Variants in ITGA9 observed in about 807,000 individuals in gnomAD.
ITGA9 encodes integrin subunit alpha 9, also known as integrin alpha-9.
ITGA9 carries 56 observed loss-of-function variants against 127.8 expected under a neutral mutation model. The observed-to-expected ratio is 0.44, with a 90% CI of 0.35 to 0.55. The LOEUF is 0.55. Ranked by LOEUF, ITGA9 falls within the 20% of genes least tolerant of loss-of-function variation. The pLI, the probability that ITGA9 is intolerant of heterozygous loss-of-function variation, is 0.00. For missense variants in ITGA9, 1,196 were observed against 1,347.1 expected (o/e 0.89, Z 1.76); for synonymous variants, 508 against 514.5 (o/e 0.99, Z 0.17).
At position 37,777,422 on chromosome 3, in the gene ITGA9, C is replaced by A; in HGVS notation, c.2572C>A (p.Gln858Lys). ...CCAAGAGAAGGGAAACTGCTCTTTC[C>A]AGAAAAACCCAACTCCCTGCATCAT... ...VGQEKGNCSF[Q>K]KNPTPCIIPQ... The change falls in exon 24 of 28, where the codon CAG (glutamine) becomes AAG (lysine). Residue 858 changes from glutamine to lysine, a missense_variant. Physicochemically the swap from Gln to Lys is moderately conservative, Grantham distance 53. Coordinates refer to ENST00000264741, the MANE Select transcript of ITGA9 (RefSeq NM_002207.3). 6.2e-7 allele frequency: 1 copy of A among 1,614,148 alleles called. No homozygotes were observed. Among genetic ancestry groups the A allele is most frequent in the Non-Finnish European group, 8.5e-7 (1 of 1,180,006 alleles).
chr3:37,567,435 C>T (rs558892199), intron 15 of ITGA9, among the ~76,000 whole-genome samples: 60 of 152,246 alleles, frequency 3.9e-4, no homozygotes, highest in African/African-American at 1.3e-3. Context: ...GCCCCGGCCC[C>T]TTCCAAATAT....
chr3:37,585,890 T>A (rs1699755163), intron 15 of ITGA9, among the ~76,000 whole-genome samples: 2 of 152,214 alleles, frequency 1.3e-5, no homozygotes, highest in Admixed American at 1.3e-4. Flanking sequence ...AAAATTGAGA[T>A]TCCCATTGAT....
intron 23 of ITGA9, among the ~76,000 whole-genome samples, chr3:37,771,182 G>A (rs936073732): frequency 2.6e-5 from 4 of 152,164 alleles, no homozygotes; most frequent in Non-Finnish European, 5.9e-5. Flanking sequence ...GCAAGGGGGC[G>A]ATGGCCACAG....
At chr3:37,564,602 A>G (rs1226429305) in intron 15 of ITGA9, among the ~76,000 whole-genome samples, 1 of 152,210 alleles carries the variant, frequency 6.6e-6, no homozygotes, top group South Asian at 2.1e-4. Flanking sequence ...AATTATTACT[A>G]ATCTATGACC....
chr3:37,731,476 GATAT>G (rs1696292093), intron 18 of ITGA9, among the ~76,000 whole-genome samples: 1 of 152,164 alleles, frequency 6.6e-6, no homozygotes, highest in African/African-American at 2.4e-5. Flanking sequence ...ATGCTGAAAA[GATAT>G]ATTAGAGTTT....
At chr3:37,771,467 T>A (rs1174165448) in intron 23 of ITGA9, among the ~76,000 whole-genome samples, 1 of 152,144 alleles carries the variant, frequency 6.6e-6, no homozygotes, top group Non-Finnish European at 1.5e-5. Context: ...CATCCTCATG[T>A]GTAGATGAGG....
At chr3:37,496,175 T>C (rs985820111) in intron 5 of ITGA9, among the ~76,000 whole-genome samples, 1 of 152,224 alleles carries the variant, frequency 6.6e-6, no homozygotes, top group African/African-American at 2.4e-5. Context: ...ATATAGTGTC[T>C]GATCCAGAAA....
rs1245456483 is a variant in ITGA9, at chr3:37,452,488, G to C, written c.114G>C (p.Val38=). The C allele has an allele frequency of 6.6e-7, 1 of 1,517,628 alleles. No individual in the cohort carries two copies. The highest frequency in any genetic ancestry group is 8.8e-7 in the Non-Finnish European group (1 of 1,132,460). 94.0% of individuals were successfully genotyped at this position (1,517,628 alleles called of 1,614,324 possible). Residue 38 remains valine, a synonymous_variant, in exon 1 of 28, where the codon GTG becomes GTC. Coordinates refer to ENST00000264741, the MANE Select transcript of ITGA9 (RefSeq NM_002207.3). This position sits in a 1 kb window ranked among gnomAD's most constrained non-coding sequence, Gnocchi z 7.3. ...GAYNLDPQRP[V]HFQGPADSFF... is the part of the protein sequence containing the mutation. ...ACAACCTCGACCCGCAGCGCCCCGT[G>C]CACTTCCAGGGCCCCGCTGACTCGT... is the stretch of plus-strand genomic sequence containing the variant.
At chr3:37,619,862 C>T (rs577829196) in intron 15 of ITGA9, among the ~76,000 whole-genome samples, 1 of 150,074 alleles carries the variant, frequency 6.7e-6, no homozygotes, top group African/African-American at 2.5e-5. Flanking sequence ...TGCTTCTAGT[C>T]TCTTAGCTCA....
chr3:37,639,951 A>G (rs974483001), intron 16 of ITGA9, among the ~76,000 whole-genome samples: 9 of 152,150 alleles, frequency 5.9e-5, no homozygotes, highest in African/African-American at 1.7e-4. Flanking sequence ...GAGCATACCA[A>G]TGGTGATGAC....
At chr3:37,678,052 T>A (rs1426693537) in intron 17 of ITGA9, among the ~76,000 whole-genome samples, 1 of 152,196 alleles carries the variant, frequency 6.6e-6, no homozygotes, top group South Asian at 2.1e-4. Context: ...GTGTAGTACA[T>A]CTGGTTTATC....
Position 37,452,343 on chromosome 3 carries a change from C to T in ITGA9, c.-32C>T, listed in dbSNP as rs903493765. 8.3e-6 allele frequency: 9 copies of T among 1,080,472 alleles called. No homozygotes were observed. In the African/African-American group the frequency reaches 8.4e-5, roughly 10 times the overall value. 66.9% of individuals were successfully genotyped at this position (1,080,472 alleles called of 1,614,324 possible). A position where few individuals can be genotyped will look rare whatever the true frequency, so the allele number is the denominator to read the frequency against. ...CCCGCGCGCTCGGCGCCCTGCTCGC[C>T]GGGCAGAGGGGAAGGCGGCGGCCGG... On this transcript the variant is annotated 5_prime_UTR_variant, in exon 1 of 28. Coordinates refer to ENST00000264741, the MANE Select transcript of ITGA9 (RefSeq NM_002207.3). This position sits in a 1 kb window ranked among gnomAD's most constrained non-coding sequence, Gnocchi z 7.3.
In ITGA9 at chr3:37,740,010, G is replaced by A. The variant is rs1440046635; in HGVS notation, c.2235-1720G>A. Reference sequence around the variant, plus strand: ...CCCTGAGGGACTGATGTCACCCCATGTAGGAAGACAGATGAGGAGCCAGGG... The same window carrying A: ...CCCTGAGGGACTGATGTCACCCCATATAGGAAGACAGATGAGGAGCCAGGG... On this transcript the variant is annotated intron_variant, in intron 20 of 27. Coordinates refer to ENST00000264741, the MANE Select transcript of ITGA9 (RefSeq NM_002207.3). 2.6e-5 allele frequency among the ~76,000 whole-genome samples: 4 copies of A among 152,340 alleles called. No individual in the cohort carries two copies. In the South Asian group the frequency reaches 8.3e-4, roughly 32 times the overall value.
At chr3:37,503,054 G>C (rs1698804174) in intron 5 of ITGA9, 124 bp from the exon 6 acceptor site, 1 of 1,022,750 alleles carries the variant, frequency 9.8e-7, no homozygotes, top group East Asian at 2.4e-5. Context: ...TTGTTGCTTA[G>C]CTGGGGAAAA....
At chr3:37,572,836 GT>G (rs1285247333) in intron 15 of ITGA9, among the ~76,000 whole-genome samples, 1 of 152,160 alleles carries the variant, frequency 6.6e-6, no homozygotes, top group Non-Finnish European at 1.5e-5. Flanking sequence ...TTTTTTACCT[GT>G]TACTGCTTTC....
chr3:37,519,197 A>G (rs1699019739), intron 10 of ITGA9, 63 bp from the exon 11 acceptor site: 2 of 1,229,272 alleles, frequency 1.6e-6, no homozygotes, highest in Admixed American at 3.7e-5. Flanking sequence ...AACCAGAATT[A>G]GGGAAGCTGC....
intron 15 of ITGA9, among the ~76,000 whole-genome samples, chr3:37,584,036 T>C (rs1559542199): frequency 2.0e-5 from 3 of 152,212 alleles, no homozygotes; most frequent in South Asian, 2.1e-4. Flanking sequence ...CTTATTTCCC[T>C]GGGTAGACTG....
intron 23 of ITGA9, among the ~76,000 whole-genome samples, chr3:37,769,830 A>AT (rs1696822117): frequency 1.3e-5 from 2 of 152,248 alleles, no homozygotes; most frequent in Non-Finnish European, 2.9e-5. Context: ...AAGATTTATA[A>AT]TCTCATTAGG....
chr3:37,503,450 G>A, intron 6 of ITGA9, 143 bp downstream of exon 6: 1 of 913,280 alleles, frequency 1.1e-6, no homozygotes, highest in East Asian at 2.7e-5. Flanking sequence ...CTTTAGCCAG[G>A]GCATCTTCAC....
Sources: gnomAD v4.1 joint callset for allele counts (sites outside exome capture counted in the v4.1 genomes callset) on GRCh38, gnomAD v4.1.1 for gene constraint, Gnocchi (gnomAD v3.1) non-coding constraint, MANE v1.5 for transcripts, NCBI Gene and HGNC (gene_info 2026-07-23, HGNC 2026-07-21) for gene names.